Variants in KCNIP4 observed in about 807,000 individuals in gnomAD.
KCNIP4 encodes the protein Kv channel-interacting protein 4.
In KCNIP4, 12 loss-of-function variants were observed where a neutral mutation model predicts 34.0. The observed-to-expected ratio is 0.35, with a 90% CI of 0.23 to 0.57. The LOEUF is 0.57. Among genes scored for constraint, KCNIP4 ranks in the 20% least tolerant of loss-of-function variants. The pLI, the probability that KCNIP4 is intolerant of heterozygous loss-of-function variation, is 0.83. For synonymous variants in KCNIP4, 124 were observed against 102.2 expected (o/e 1.21, Z -1.29); for missense variants, 238 against 311.7 (o/e 0.76, Z 1.78).
At chr4:20,926,471 G>T (rs1729906797) in intron 1 of KCNIP4, among the ~76,000 whole-genome samples, 1 of 152,210 alleles carries the variant, frequency 6.6e-6, no homozygotes, top group Admixed American at 6.5e-5. Context: ...GAACAGAGGT[G>T]ATTTTAAAAC....
At position 20,734,639 on chromosome 4, in the gene KCNIP4, T is replaced by G. The variant is rs1749143647; in HGVS notation, c.526A>C (p.Ile176Leu). The change falls in exon 6 of 9, where the codon ATC (isoleucine) becomes CTC (leucine). Residue 176 changes from isoleucine (I) to leucine (L), a missense_variant. Physicochemically the swap from Ile to Leu is conservative, Grantham distance 5 (BLOSUM62 2). Coordinates refer to ENST00000382152, the MANE Select transcript of KCNIP4 (RefSeq NM_025221.6). ...NLYDINKDGY[I>L]TKEEMLDIMK... The stretch of plus-strand genomic sequence containing the variant: ...GAGGCATCCCTTACCTCTTTAGTGA[T>G]GTAGCCATCTTTATTTATGTCATAC... 1.3e-6 allele frequency: 2 copies of G among 1,525,260 alleles called. No homozygotes were observed. The highest frequency in any genetic ancestry group is 3.7e-5 in the Admixed American group (2 of 53,620). 94.5% of individuals were successfully genotyped at this position (1,525,260 alleles called of 1,614,324 possible).
At chr4:21,193,571 A>ATT (rs71655619) in intron 1 of KCNIP4, among the ~76,000 whole-genome samples, 38 of 119,232 alleles carry the variant, frequency 3.2e-4, no homozygotes, top group South Asian at 5.5e-4. Flanking sequence ...GCAATTTTAA[A>ATT]TTTTTTTTTT....
At position 21,629,807 on chromosome 4, in the gene KCNIP4, T is replaced by G. The variant is rs187707332; in HGVS notation, c.61+318764A>C. 2.9e-3 allele frequency among the ~76,000 whole-genome samples: 444 copies of G among 151,746 alleles called. 3 individuals carry two copies. Among genetic ancestry groups the G allele is most frequent in the African/African-American group, 0.01 (426 of 41,386 alleles). On this transcript the variant is annotated intron_variant, in intron 1 of 8. Coordinates refer to ENST00000382152, the MANE Select transcript of KCNIP4 (RefSeq NM_025221.6). The stretch of plus-strand genomic sequence containing the variant: ...GCGATTTCTACATGAAAATTAGTAA[T>G]GTCTTGATGTCAGAAAACCATATTT...
At chr4:21,434,970 T>G (rs1726823923) in intron 1 of KCNIP4, among the ~76,000 whole-genome samples, 1 of 152,098 alleles carries the variant, frequency 6.6e-6, no homozygotes, top group African/African-American at 2.4e-5. Context: ...ATAGAGTTGT[T>G]GAGGGAGTTA....
intron 1 of KCNIP4, among the ~76,000 whole-genome samples, chr4:20,886,309 G>A (rs776835142): frequency 1.5e-4 from 23 of 152,194 alleles, no homozygotes; most frequent in Admixed American, 3.9e-4. Context: ...TCCTTCCATA[G>A]TTCAGGGAGG....
At chr4:20,862,102 T>G (rs1409237584) in intron 2 of KCNIP4, among the ~76,000 whole-genome samples, 2 of 151,900 alleles carry the variant, frequency 1.3e-5, no homozygotes, top group Non-Finnish European at 2.9e-5. Context: ...GCAATTCTTC[T>G]GCCTCAGCCT....
chr4:20,907,669 T>C (rs568551218), intron 1 of KCNIP4, among the ~76,000 whole-genome samples: 2 of 152,316 alleles, frequency 1.3e-5, no homozygotes, highest in African/African-American at 4.8e-5. Context: ...TATGACTGAT[T>C]ATTTACTTTG....
At chr4:21,158,802 A>C (rs563327620) in intron 1 of KCNIP4, among the ~76,000 whole-genome samples, 3 of 152,162 alleles carry the variant, frequency 2.0e-5, no homozygotes, top group Admixed American at 2.0e-4. Context: ...AACAAAAAAA[A>C]GAAATACAGT....
intron 1 of KCNIP4, among the ~76,000 whole-genome samples, chr4:21,444,393 T>C (rs1448153832): frequency 2.0e-5 from 3 of 152,162 alleles, no homozygotes; most frequent in African/African-American, 4.8e-5. Context: ...ACTGGCAAAT[T>C]GAATCCAGCA....
intron 2 of KCNIP4, 134 bp downstream of exon 2, chr4:20,882,474 G>A: frequency 1.5e-6 from 1 of 662,584 alleles, no homozygotes; most frequent in Non-Finnish European, 2.6e-6. Context: ...TGGGTATTTA[G>A]GTAAACATGA....
chr4:20,784,648 A>G (rs1287084505), intron 3 of KCNIP4, among the ~76,000 whole-genome samples: 1 of 152,092 alleles, frequency 6.6e-6, no homozygotes, highest in Non-Finnish European at 1.5e-5. Context: ...TTATTTCATT[A>G]CACAAATGAT....
chr4:21,238,767 T>C (rs1182662561), intron 1 of KCNIP4, among the ~76,000 whole-genome samples: 6 of 152,220 alleles, frequency 3.9e-5, no homozygotes, highest in Non-Finnish European at 8.8e-5. Flanking sequence ...TGCTCATGGG[T>C]AGGAAGAATC....
intron 1 of KCNIP4, among the ~76,000 whole-genome samples, chr4:21,681,647 T>C (rs192827084): frequency 4.6e-5 from 7 of 152,316 alleles, no homozygotes; most frequent in African/African-American, 9.6e-5. Flanking sequence ...TTAGAGCCTG[T>C]ATTAGACCAT....
chr4:20,939,147 T>C (rs555785936), intron 1 of KCNIP4, among the ~76,000 whole-genome samples: 1 of 152,226 alleles, frequency 6.6e-6, no homozygotes, highest in South Asian at 2.1e-4. Context: ...CTCTCACCAT[T>C]CCTTCCTACC....
chr4:20,865,214 G>A (rs1002277168), intron 2 of KCNIP4, among the ~76,000 whole-genome samples: 1 of 152,088 alleles, frequency 6.6e-6, no homozygotes, highest in Non-Finnish European at 1.5e-5. Context: ...AAGACTAGAA[G>A]TGACTGCAGG....
At chr4:21,081,804 T>C (rs1746027455) in intron 1 of KCNIP4, among the ~76,000 whole-genome samples, 1 of 151,804 alleles carries the variant, frequency 6.6e-6, no homozygotes, top group African/African-American at 2.4e-5. Context: ...CACTGAATTC[T>C]GAGAGAGTAA....
chr4:20,885,298 C>A (rs1254944279), intron 1 of KCNIP4, among the ~76,000 whole-genome samples: 1 of 148,962 alleles, frequency 6.7e-6, no homozygotes, highest in African/African-American at 2.5e-5. Flanking sequence ...TTCATAACTT[C>A]CCCAATTACT....
In KCNIP4 at chr4:21,234,246, ATATAT is replaced by A. The variant is rs1170810858; in HGVS notation, c.62-351542_62-351538del. ...ATAACATATATAACATATATATAAC[ATATAT>A]TATATATAACATATATAACATATAT... is the stretch of plus-strand genomic sequence containing the variant. On this transcript the variant is annotated intron_variant, in intron 1 of 8. Transcript: ENST00000382152. Among the ~76,000 whole-genome samples the A allele has an allele frequency of 7.6e-5, 9 of 118,968 alleles. No individual in the cohort carries two copies. The East Asian group carries it at 1.6e-3, about 22-fold the overall frequency. The allele number at this position is 118,968 out of a possible 152,430, so 78.0% of individuals were successfully genotyped here. A position where few individuals can be genotyped will look rare whatever the true frequency, so the allele number is the denominator to read the frequency against.
intron 1 of KCNIP4, among the ~76,000 whole-genome samples, chr4:21,147,614 T>C (rs1317664983): frequency 6.6e-6 from 1 of 152,104 alleles, no homozygotes; most frequent in East Asian, 1.9e-4. Flanking sequence ...ACAGGAATTA[T>C]TTTGATGTTA....
Sources: gnomAD v4.1 joint callset for allele counts (sites outside exome capture counted in the v4.1 genomes callset) on GRCh38, gnomAD v4.1.1 for gene constraint, MANE v1.5 for transcripts, NCBI Gene and HGNC (gene_info 2026-07-23, HGNC 2026-07-21) for gene names.